Variants in TMEM232 observed in about 807,000 individuals in gnomAD.
TMEM232 encodes transmembrane protein 232.
TMEM232 carries 80 observed loss-of-function variants against 78.8 expected under a neutral mutation model. That is an observed-to-expected ratio of 1.01 (90% confidence interval 0.85 to 1.22). The LOEUF (loss-of-function observed/expected upper bound fraction) is 1.22, where lower values mean the gene tolerates loss of function less well. TMEM232 is among the 50% of genes most tolerant of loss of function. The pLI is 0.00. For synonymous variants in TMEM232, 297 were observed against 254.3 expected, an observed-to-expected ratio of 1.17 and a Z score of -1.60; for missense variants, 881 against 742.2, an observed-to-expected ratio of 1.19 and a Z score of -2.17.
intron 12 of TMEM232, among the ~76,000 whole-genome samples, chr5:110,439,847 T>A (rs1363762183): frequency 1.3e-5 from 2 of 152,140 alleles, no homozygotes; most frequent in African/African-American, 4.8e-5. Context: ...TGATCTGCTG[T>A]CACCCTAGCA....
intron 12 of TMEM232, among the ~76,000 whole-genome samples, chr5:110,467,147 C>T (rs750484526): frequency 6.6e-6 from 1 of 152,088 alleles, no homozygotes; most frequent in Non-Finnish European, 1.5e-5. Flanking sequence ...AATATGCTTA[C>T]ATAATTCATC....
rs577879567 is a variant in TMEM232, at chr5:110,639,908, G to A, written c.343+983C>T. ...AGGTGGAGCTCAGGCAGTAATGCTC[G>A]CTCCCTGGCTGCTCACAGCCTGTTG... is the stretch of plus-strand genomic sequence containing the variant. On this transcript the variant is annotated intron_variant, in intron 4 of 13. Coordinates refer to ENST00000455884, the MANE Select transcript of TMEM232 (RefSeq NM_001039763.4). Among the ~76,000 whole-genome samples the A allele has an allele frequency of 3.9e-5, 6 of 152,276 alleles. No homozygotes were observed. The East Asian group carries it at 9.6e-4, about 24-fold the overall frequency.
chr5:110,635,366 G>C (rs1051742637), intron 5 of TMEM232, among the ~76,000 whole-genome samples: 1 of 151,922 alleles, frequency 6.6e-6, no homozygotes, highest in African/African-American at 2.4e-5. Flanking sequence ...ACCAAAACCA[G>C]AAAAGGTGCA....
intron 2 of TMEM232, among the ~76,000 whole-genome samples, chr5:110,403,817 CA>C (rs1755691679): frequency 1.3e-5 from 2 of 151,814 alleles, no homozygotes; most frequent in Admixed American, 1.3e-4. Context: ...AATTGATTTT[CA>C]GTTGTGTGTG....
intron 11 of TMEM232, among the ~76,000 whole-genome samples, chr5:110,558,922 C>T (rs1478829434): frequency 1.2e-4 from 19 of 152,144 alleles, no homozygotes; most frequent in Admixed American, 1.2e-3. Flanking sequence ...GGAATGAGTC[C>T]TGTTTCTTGG....
chr5:110,729,461 G>A (rs1798467265), upstream of TMEM232, among the ~76,000 whole-genome samples: 1 of 152,160 alleles, frequency 6.6e-6, no homozygotes, highest in South Asian at 2.1e-4. Flanking sequence ...TGGATCTGGA[G>A]AATCCAATCA....
intron 12 of TMEM232, among the ~76,000 whole-genome samples, chr5:110,477,944 A>G (rs1580846677): frequency 6.6e-6 from 1 of 152,030 alleles, no homozygotes; most frequent in East Asian, 1.9e-4. Flanking sequence ...TGACATCTCA[A>G]ATATATTCTT....
chr5:110,720,265 A>C (rs1401259356), intron 1 of TMEM232, among the ~76,000 whole-genome samples: 1 of 152,094 alleles, frequency 6.6e-6, no homozygotes, highest in Non-Finnish European at 1.5e-5. Context: ...GCAACGAGGG[A>C]AATTAGGGTA....
intron 12 of TMEM232, among the ~76,000 whole-genome samples, chr5:110,506,724 C>G (rs1233739573): frequency 6.6e-6 from 1 of 152,110 alleles, no homozygotes; most frequent in African/African-American, 2.4e-5. Context: ...GAATCATTTC[C>G]ATTTCTGATA....
rs1759841776 is a variant in TMEM232 at position 110,447,915 on chromosome 5, G to A, written c.1704-22999C>T. ...GGAGATTAAAATTGAATAAAAAGAT[G>A]TTATTAAATCCAGTAATTATGAATT... On this transcript the variant is annotated intron_variant, in intron 12 of 13. Coordinates refer to ENST00000455884, the MANE Select transcript of TMEM232 (RefSeq NM_001039763.4). 3.3e-5 allele frequency among the ~76,000 whole-genome samples: 5 copies of A among 151,952 alleles called. No homozygotes were observed. In the South Asian group the frequency reaches 1.0e-3, roughly 31 times the overall value.
intron 1 of TMEM232, among the ~76,000 whole-genome samples, chr5:110,692,511 A>C (rs1422741021): frequency 6.6e-6 from 1 of 152,254 alleles, no homozygotes; most frequent in Non-Finnish European, 1.5e-5. Flanking sequence ...ACATCGCCTC[A>C]CACAGGAAGC....
At chr5:110,486,362 C>A (rs964674529) in intron 12 of TMEM232, among the ~76,000 whole-genome samples, 1 of 151,964 alleles carries the variant, frequency 6.6e-6, no homozygotes, top group African/African-American at 2.4e-5. Context: ...ATTGCATTTG[C>A]CTTTGGGTTC....
chr5:110,495,428 A>G (rs978943737), intron 12 of TMEM232, among the ~76,000 whole-genome samples: 2 of 151,968 alleles, frequency 1.3e-5, no homozygotes, highest in African/African-American at 4.8e-5. Context: ...ATAAAGTATA[A>G]TAACAGTTGA....
At chr5:110,534,965 C>T (rs1455719491) in intron 11 of TMEM232, among the ~76,000 whole-genome samples, 1 of 152,148 alleles carries the variant, frequency 6.6e-6, no homozygotes, top group Non-Finnish European at 1.5e-5. Flanking sequence ...CTTAATCTCT[C>T]CCACTATAAG....
rs183040269 is a variant in TMEM232 at position 110,583,868 on chromosome 5, T to C, written c.1277-15243A>G. ...CCAAAGAAACATAGAAGTAGCCAAA[T>C]GGTATGTGAAAATATGCTCAATATC... is the stretch of plus-strand genomic sequence containing the variant. On this transcript the variant is annotated intron_variant, in intron 10 of 13. Coordinates refer to ENST00000455884, the MANE Select transcript of TMEM232 (RefSeq NM_001039763.4). 3.5e-3 allele frequency among the ~76,000 whole-genome samples: 520 copies of C among 150,562 alleles called. 3 individuals carry two copies. Among genetic ancestry groups the C allele is most frequent in the Non-Finnish European group, 5.4e-3 (364 of 67,688 alleles).
At chr5:110,534,043 C>T (rs1184646273) in intron 11 of TMEM232, among the ~76,000 whole-genome samples, 1 of 152,182 alleles carries the variant, frequency 6.6e-6, no homozygotes, top group East Asian at 1.9e-4. Flanking sequence ...TGCCCCCGCC[C>T]AGGACTGGCA....
At chr5:110,556,104 T>C (rs1775045200) in intron 11 of TMEM232, among the ~76,000 whole-genome samples, 1 of 152,188 alleles carries the variant, frequency 6.6e-6, no homozygotes, top group Admixed American at 6.6e-5. Context: ...AAGTGCATTT[T>C]TGTAGTGCCC....
At chr5:110,438,036 A>C (rs938514073) in intron 12 of TMEM232, among the ~76,000 whole-genome samples, 2 of 152,088 alleles carry the variant, frequency 1.3e-5, no homozygotes, top group African/African-American at 4.8e-5. Flanking sequence ...ATCTGAAGCT[A>C]CTGTGTGGCC....
chr5:110,509,000 A>ATATATATGTATATATG (rs980751360), intron 12 of TMEM232, among the ~76,000 whole-genome samples: 1,532 of 104,544 alleles, frequency 0.015, 44 homozygotes, highest in African/African-American at 0.099. Flanking sequence ...GTATATATGT[A>ATATATATGTATATATG]TATATATATG....
Sources: gnomAD v4.1 joint callset for allele counts (sites outside exome capture counted in the v4.1 genomes callset) on GRCh38, gnomAD v4.1.1 for gene constraint, MANE v1.5 for transcripts, NCBI Gene and HGNC (gene_info 2026-07-23, HGNC 2026-07-21) for gene names.